UACA: variants seen among roughly 807,000 people sequenced by gnomAD.
UACA encodes the protein uveal autoantigen with coiled-coil domains and ankyrin repeats.
Under a neutral mutation model 160.5 loss-of-function variants are expected in UACA, and 112 were observed. The ratio of observed to expected loss-of-function variants is 0.70; its 90% confidence interval spans 0.60 to 0.82. The LOEUF (loss-of-function observed/expected upper bound fraction) is 0.82, where lower values mean the gene tolerates loss of function less well. Among genes scored for constraint, UACA ranks in the 40% least tolerant of loss-of-function variants. The probability of loss-of-function intolerance (pLI) is 0.00; values close to 1 mark genes in which losing one functional copy is unlikely to be tolerated. For synonymous variants in UACA, 557 were observed against 568.4 expected (o/e 0.98, Z 0.29); for missense variants, 1,574 against 1,614.6 (o/e 0.97, Z 0.43).
chr15:70,667,229 A>T lies in UACA; in HGVS notation c.3455T>A (p.Leu1152Gln). 1 of 1,613,942 alleles carries T rather than the reference A, an allele frequency of 6.2e-7. No homozygotes were observed. The highest frequency in any genetic ancestry group is 8.5e-7 in the Non-Finnish European group (1 of 1,179,962). ...CTTTTGATTCTCCAACAATTGATGC[A>T]GTTTGGTCACTGTCTGCTGCTCTTT... ...YEKEQQTVTK[L>Q]HQLLENQKNS... The change falls in exon 16 of 19, where the codon CTG becomes CAG. Residue 1152 changes from leucine to glutamine, a missense_variant. Physicochemically the swap from Leu to Gln is moderately radical, Grantham distance 113. Transcript: ENST00000322954.
intron 12 of UACA, 151 bp from the exon 13 acceptor site, chr15:70,676,742 T>C (rs752088360): frequency 1.2e-4 from 74 of 594,526 alleles, no homozygotes; most frequent in Non-Finnish European, 2.0e-4. Context: ...ATAGAGTTGA[T>C]AATTTCTACA....
chr15:70,668,401 A>G lies in UACA; in HGVS notation c.2283T>C (p.Ile761=). ...CTAAAAGCTTTCTATTAAGATCATC[A>G]ATAATTGCATCATGTGACTTTTTCA... ...EDMKKSHDAI[I]DDLNRKLLDV... The change falls in exon 16 of 19, where the codon ATT becomes ATC. Residue 761 remains isoleucine, a synonymous_variant. Transcript: ENST00000322954. 6.2e-7 allele frequency: 1 copy of G among 1,610,036 alleles called. No homozygotes were observed.
At chr15:70,706,126 T>C (rs1286873716) in intron 1 of UACA, among the ~76,000 whole-genome samples, 1 of 152,162 alleles carries the variant, frequency 6.6e-6, no homozygotes, top group African/African-American at 2.4e-5. Context: ...CGTTTCAATA[T>C]ATGAAATTCA....
intron 1 of UACA, among the ~76,000 whole-genome samples, chr15:70,760,912 G>C (rs2030714372): frequency 6.6e-6 from 1 of 152,140 alleles, no homozygotes; most frequent in East Asian, 1.9e-4. Context: ...TAAAAGCTTG[G>C]AAAACATTTC....
intron 1 of UACA, among the ~76,000 whole-genome samples, chr15:70,757,325 T>A (rs956745445): frequency 6.6e-6 from 1 of 152,226 alleles, no homozygotes; most frequent in African/African-American, 2.4e-5. Flanking sequence ...TGGTAATAAG[T>A]ATTTCCACCA....
intron 1 of UACA, among the ~76,000 whole-genome samples, chr15:70,715,416 C>T (rs1898794516): frequency 1.3e-5 from 2 of 152,078 alleles, no homozygotes; most frequent in African/African-American, 4.8e-5. Context: ...TATTTTTGTA[C>T]CTTTGGCTTT....
Position 70,705,257 on chromosome 15 carries a change from G to A in UACA, c.79-5597C>T, listed in dbSNP as rs990352847. On this transcript the variant is annotated intron_variant, in intron 1 of 18. Transcript: ENST00000322954. ...AATTAACAAAGAAGTGGCTGGGTGC[G>A]GTGGCTCACGTCTGTAATCCCAGAA... 7.9e-5 allele frequency among the ~76,000 whole-genome samples: 12 copies of A among 152,100 alleles called. 1 individual carries two copies. The highest frequency in any genetic ancestry group is 1.9e-4 in the East Asian group (1 of 5,202).
intron 18 of UACA, among the ~76,000 whole-genome samples, chr15:70,659,606 T>TA (rs773533389): frequency 5.9e-4 from 90 of 152,014 alleles, no homozygotes; most frequent in Non-Finnish European, 1.0e-3. Flanking sequence ...TATATGTTAG[T>TA]AATTTCTTAG....
chr15:70,744,225 GGCGACAGA>G (rs1475761379), intron 1 of UACA, among the ~76,000 whole-genome samples: 1 of 146,950 alleles, frequency 6.8e-6, no homozygotes, highest in Non-Finnish European at 1.5e-5. Flanking sequence ...TTCCAGCCTG[GGCGACAGA>G]GCAAGACTCT....
At position 70,666,585 on chromosome 15, in the gene UACA, G is replaced by A. The variant is rs190270285; in HGVS notation, c.3960+139C>T. 33 of 654,002 alleles carry A rather than the reference G, an allele frequency of 5.0e-5. 1 individual carries two copies. The East Asian group carries it at 8.9e-4, about 18-fold the overall frequency. The allele number at this position is 654,002 out of a possible 1,614,324, so 40.5% of individuals were successfully genotyped here. ...GTTACTTCACTTTTTTTTTCAATTC[G>A]GAATTTTTGCACGCAAGTTGCTAAA... On this transcript the variant is annotated intron_variant, in intron 16 of 18. Coordinates refer to ENST00000322954, the MANE Select transcript of UACA (RefSeq NM_018003.4).
chr15:70,701,008 T>C (rs1186477266), intron 1 of UACA, among the ~76,000 whole-genome samples: 1 of 152,110 alleles, frequency 6.6e-6, no homozygotes, highest in Non-Finnish European at 1.5e-5. Context: ...ACTAACTTTC[T>C]TGTTAAACAA....
intron 1 of UACA, among the ~76,000 whole-genome samples, chr15:70,704,604 G>C (rs974048865): frequency 2.0e-4 from 30 of 152,116 alleles, no homozygotes; most frequent in Admixed American, 1.3e-4. Context: ...CTAGGCACCA[G>C]TGCTCTCAAC....
chr15:70,659,395 GTTTTTTT>G (rs71152307), intron 18 of UACA, among the ~76,000 whole-genome samples: 8 of 18,842 alleles, frequency 4.2e-4, no homozygotes, highest in African/African-American at 9.1e-4. Flanking sequence ...TTTTTTGTTT[GTTTTTTT>G]TTTTTTTTTT....
chr15:70,675,806 G>T (rs1251694645), intron 13 of UACA, among the ~76,000 whole-genome samples: 1 of 152,176 alleles, frequency 6.6e-6, no homozygotes, highest in Non-Finnish European at 1.5e-5. Flanking sequence ...GTATTAAGAG[G>T]TGGGGCCTTT....
chr15:70,745,638 G>C (rs1899684068), intron 1 of UACA, among the ~76,000 whole-genome samples: 1 of 152,084 alleles, frequency 6.6e-6, no homozygotes, highest in Non-Finnish European at 1.5e-5. Flanking sequence ...AACCAAAAAA[G>C]AGCCTGCATT....
chr15:70,755,227 TAG>T (rs2030347466), intron 1 of UACA, among the ~76,000 whole-genome samples: 1 of 152,178 alleles, frequency 6.6e-6, no homozygotes, highest in Non-Finnish European at 1.5e-5. Context: ...TAGCTAATTC[TAG>T]AGAGGAAGGG....
Position 70,667,980 on chromosome 15 carries a change from CTTTT to C in UACA, c.2700_2703del (p.Ile900MetfsTer7). 6.2e-7 allele frequency: 1 copy of C among 1,600,116 alleles called. No homozygotes were observed. Among genetic ancestry groups the C allele is most frequent in the Non-Finnish European group, 8.5e-7 (1 of 1,174,214 alleles). Reference sequence around the variant, plus strand: ...TTTCTTTTTAATATTTCATTCTTATCTTTTATTTTTACAAATTCCTGATTTATAT... The same window carrying C: ...TTTCTTTTTAATATTTCATTCTTATCATTTTTACAAATTCCTGATTTATAT... On this transcript the variant is annotated frameshift_variant, in exon 16 of 19. Coordinates refer to ENST00000322954, the MANE Select transcript of UACA (RefSeq NM_018003.4). LOFTEE classifies it high-confidence loss of function.
chr15:70,684,223 T>C, intron 8 of UACA, 42 bp downstream of exon 8: 1 of 1,535,676 alleles, frequency 6.5e-7, no homozygotes. Context: ...AAGTGGCTCT[T>C]TGTTAATGTG....
intron 13 of UACA, among the ~76,000 whole-genome samples, chr15:70,675,366 G>T (rs1343788414): frequency 6.6e-6 from 1 of 152,162 alleles, no homozygotes; most frequent in African/African-American, 2.4e-5. Context: ...TGGTGTTTCT[G>T]AATAATCTTG....
Sources: gnomAD v4.1 joint callset for allele counts (sites outside exome capture counted in the v4.1 genomes callset) on GRCh38, gnomAD v4.1.1 for gene constraint, MANE v1.5 for transcripts, NCBI Gene and HGNC (gene_info 2026-07-23, HGNC 2026-07-21) for gene names.